The following ZNF804B variants were observed in gnomAD, a reference collection of about 807,000 sequenced individuals.
The protein encoded by ZNF804B is zinc finger protein 804B, also known as zinc finger 804B.
In ZNF804B, 80 loss-of-function variants were observed where a neutral mutation model predicts 101.4. The observed-to-expected ratio is 0.79, with a 90% confidence interval of 0.66 to 0.95. ZNF804B has a LOEUF of 0.95. Among genes scored for constraint, ZNF804B ranks in the 40% least tolerant of loss-of-function variants. ZNF804B has a pLI of 0.00. For synonymous variants in ZNF804B, 622 were observed against 558.8 expected (o/e 1.11, Z -1.59); for missense variants, 1,673 against 1,561.9 (o/e 1.07, Z -1.20).
chr7:89,286,355 A>T (rs1451056611), intron 2 of ZNF804B, among the ~76,000 whole-genome samples: 4 of 152,224 alleles, frequency 2.6e-5, no homozygotes, highest in Non-Finnish European at 4.4e-5. Flanking sequence ...TGAGAACAAC[A>T]TGAAAGTCTG....
chr7:88,778,517 G>T (rs989748843), intron 1 of ZNF804B, among the ~76,000 whole-genome samples: 3 of 152,118 alleles, frequency 2.0e-5, no homozygotes, highest in Admixed American at 1.3e-4. Flanking sequence ...ACTGGCTATT[G>T]TTTTCCTTAG....
chr7:89,183,713 A>G (rs1788333858), intron 1 of ZNF804B, among the ~76,000 whole-genome samples: 2 of 152,206 alleles, frequency 1.3e-5, no homozygotes, highest in Admixed American at 1.3e-4. Flanking sequence ...TGACAAGATT[A>G]GCCAGAATCA....
At chr7:89,185,511 G>A (rs1788362472) in intron 1 of ZNF804B, among the ~76,000 whole-genome samples, 1 of 152,112 alleles carries the variant, frequency 6.6e-6, no homozygotes, top group Admixed American at 6.6e-5. Context: ...AATAGTGAAA[G>A]TGAGAGAAAG....
At chr7:88,911,388 G>A (rs976108520) in intron 1 of ZNF804B, among the ~76,000 whole-genome samples, 1 of 149,890 alleles carries the variant, frequency 6.7e-6, no homozygotes, top group African/African-American at 2.4e-5. Context: ...CATTCTCTAA[G>A]GCCCAGTACA....
chr7:89,274,861 C>A (rs2115849223), intron 2 of ZNF804B, among the ~76,000 whole-genome samples: 1 of 151,978 alleles, frequency 6.6e-6, no homozygotes, highest in South Asian at 2.1e-4. Context: ...CTGTGGATTC[C>A]TTCACATCTC....
At chr7:88,905,115 A>G (rs1792448566) in intron 1 of ZNF804B, among the ~76,000 whole-genome samples, 1 of 152,142 alleles carries the variant, frequency 6.6e-6, no homozygotes, top group South Asian at 2.1e-4. Context: ...ATTTTGAGTC[A>G]TCTTCCTTTG....
intron 1 of ZNF804B, among the ~76,000 whole-genome samples, chr7:89,085,232 T>C (rs948977459): frequency 6.6e-6 from 1 of 151,968 alleles, no homozygotes; most frequent in African/African-American, 2.4e-5. Flanking sequence ...ATTTTCTACT[T>C]TCTTCCCTTT....
At chr7:88,854,414 C>CCTTTCTTTCTTCCTTCCTTTCTTT (rs1491507073) in intron 1 of ZNF804B, among the ~76,000 whole-genome samples, 6 of 57,078 alleles carry the variant, frequency 1.1e-4, no homozygotes, top group Admixed American at 2.0e-4. Context: ...TTTCTTTCTT[C>CCTTTCTTTCTTCCTTCCTTTCTTT]CTTTCTTTCT....
intron 1 of ZNF804B, among the ~76,000 whole-genome samples, chr7:88,910,408 G>A (rs1262771757): frequency 2.0e-5 from 3 of 151,856 alleles, no homozygotes; most frequent in African/African-American, 7.2e-5. Flanking sequence ...AGTTCCCTAA[G>A]AAAGGTAATT....
At chr7:88,793,838 A>C in intron 1 of ZNF804B, among the ~76,000 whole-genome samples, 1 of 151,740 alleles carries the variant, frequency 6.6e-6, no homozygotes, top group East Asian at 1.9e-4. Flanking sequence ...CTGTTTATTA[A>C]CTCTTGAGGG....
chr7:89,242,519 A>T (rs1789386951), intron 2 of ZNF804B, among the ~76,000 whole-genome samples: 2 of 151,882 alleles, frequency 1.3e-5, no homozygotes, highest in South Asian at 4.1e-4. Context: ...CATGTAATTA[A>T]CCATATTCTC....
At chr7:88,851,618 G>A (rs924429146) in intron 1 of ZNF804B, among the ~76,000 whole-genome samples, 8 of 151,934 alleles carry the variant, frequency 5.3e-5, no homozygotes, top group African/African-American at 1.9e-4. Context: ...TACATTATAA[G>A]AAATGTTGAA....
At chr7:89,135,545 C>A (rs2116385536) in intron 1 of ZNF804B, among the ~76,000 whole-genome samples, 1 of 152,112 alleles carries the variant, frequency 6.6e-6, no homozygotes, top group South Asian at 2.1e-4. Context: ...TATCACTTTA[C>A]AAAGGTCTTT....
chr7:89,112,883 A>T (rs948693171), intron 1 of ZNF804B, among the ~76,000 whole-genome samples: 1 of 152,202 alleles, frequency 6.6e-6, no homozygotes, highest in African/African-American at 2.4e-5. Flanking sequence ...GATAAATTAG[A>T]TGTTAGATAT....
chr7:89,259,462 C>A (rs544505079), intron 2 of ZNF804B, among the ~76,000 whole-genome samples: 15 of 152,290 alleles, frequency 9.8e-5, no homozygotes, highest in African/African-American at 3.6e-4. Context: ...TGATGACTTT[C>A]ACAGCTTTTT....
intron 1 of ZNF804B, among the ~76,000 whole-genome samples, chr7:89,154,328 C>T (rs1272715058): frequency 1.3e-5 from 2 of 152,114 alleles, no homozygotes; most frequent in African/African-American, 4.8e-5. Flanking sequence ...TTTGGAGTTT[C>T]CTCAAAAAAC....
intron 1 of ZNF804B, among the ~76,000 whole-genome samples, chr7:89,029,456 T>C (rs561297941): frequency 6.6e-6 from 1 of 152,264 alleles, no homozygotes; most frequent in South Asian, 2.1e-4. Flanking sequence ...AATATGGGAT[T>C]AAGGGAAAAC....
intron 1 of ZNF804B, among the ~76,000 whole-genome samples, chr7:88,808,039 A>G (rs1196550046): frequency 6.6e-6 from 1 of 152,164 alleles, no homozygotes; most frequent in Admixed American, 6.5e-5. Context: ...AAATGACACC[A>G]CATTGAAGGC....
chr7:89,058,706 G>A (rs1281253885), intron 1 of ZNF804B, among the ~76,000 whole-genome samples: 1 of 151,976 alleles, frequency 6.6e-6, no homozygotes, highest in African/African-American at 2.4e-5. Flanking sequence ...TTGTTTGTTT[G>A]TTTGTTTTTA....
Sources: gnomAD v4.1 joint callset for allele counts (sites outside exome capture counted in the v4.1 genomes callset) on GRCh38, gnomAD v4.1.1 for gene constraint, MANE v1.5 for transcripts, NCBI Gene and HGNC (gene_info 2026-07-23, HGNC 2026-07-21) for gene names.